PIK3C3: variants seen among roughly 807,000 people sequenced by gnomAD.
PIK3C3 encodes the protein phosphatidylinositol 3-kinase catalytic subunit type 3, also known as PI3-kinase type 3.
PIK3C3 carries 95 observed loss-of-function variants against 126.1 expected under a neutral mutation model. The ratio of observed to expected loss-of-function variants is 0.75; its 90% confidence interval spans 0.64 to 0.89. The LOEUF is 0.89. Among genes scored for constraint, PIK3C3 ranks in the 40% least tolerant of loss-of-function variants. The pLI is 0.00. For missense variants in PIK3C3, 829 were observed against 1,063.2 expected, an observed-to-expected ratio of 0.78 and a Z score of 3.06; for synonymous variants, 374 against 360.0, an observed-to-expected ratio of 1.04 and a Z score of -0.44.
chr18:42,086,123 C>CA lies in PIK3C3; in HGVS notation c.*4994dup, dbSNP rs60152892. ...GTAATAGAGCGAGACAACTCTATCTCAAAAAAAAGAATTTCACTAGAATTT... is the reference window on the plus strand; with the variant it reads ...GTAATAGAGCGAGACAACTCTATCTCAAAAAAAAAGAATTTCACTAGAATTT... On this transcript the variant is annotated 3_prime_UTR_variant, in exon 25 of 25. Transcript: ENST00000262039. 34,742 of 151,430 alleles carry CA rather than the reference C, an allele frequency of 0.23. 4,465 individuals carry two copies. The highest frequency in any genetic ancestry group is 0.4 in the South Asian group (1,917 of 4,770). 9.4% of individuals were successfully genotyped at this position (151,430 alleles called of 1,614,324 possible).
At chr18:42,043,478 G>T (rs887424840) in intron 19 of PIK3C3, among the ~76,000 whole-genome samples, 2 of 151,810 alleles carry the variant, frequency 1.3e-5, no homozygotes, top group East Asian at 3.9e-4. Context: ...TTTTTGTTTT[G>T]CCTCTAAATG....
chr18:42,028,710 C>A (rs1983684966), intron 14 of PIK3C3, among the ~76,000 whole-genome samples: 1 of 152,152 alleles, frequency 6.6e-6, no homozygotes, highest in Admixed American at 6.5e-5. Context: ...GTTTAAATTG[C>A]CTCATCTTTG....
intron 13 of PIK3C3, among the ~76,000 whole-genome samples, chr18:42,022,937 G>A (rs1170086734): frequency 4.0e-5 from 6 of 151,688 alleles, no homozygotes; most frequent in Non-Finnish European, 7.4e-5. Context: ...TCTTGTCGCC[G>A]GTCTTATGGA....
intron 13 of PIK3C3, chr18:42,026,528 T>C (rs1983577784): frequency 6.6e-6 from 1 of 152,216 alleles, no homozygotes; most frequent in African/African-American, 2.4e-5. Flanking sequence ...GGTATGATCA[T>C]AGCTTACTGC....
intron 4 of PIK3C3, among the ~76,000 whole-genome samples, chr18:41,975,698 G>GTTTTT (rs35430380): frequency 7.4e-6 from 1 of 134,684 alleles, no homozygotes. Flanking sequence ...AAAACGGACT[G>GTTTTT]TTTTTTTTTT....
intron 20 of PIK3C3, among the ~76,000 whole-genome samples, chr18:42,044,280 A>G (rs1278478048): frequency 6.6e-6 from 1 of 152,096 alleles, no homozygotes; most frequent in Non-Finnish European, 1.5e-5. Context: ...CAGTAGTAGT[A>G]TTTCCTAGAA....
In PIK3C3 at chr18:41,993,297, A is replaced by C; in HGVS notation, c.742A>C (p.Thr248Pro). Residue 248 changes from threonine to proline, a missense_variant, in exon 7 of 25, where the codon ACA (threonine) becomes CCA (proline). Thr to Pro is a conservative substitution (Grantham distance 38). Around this residue, in one of 4 missense-constraint regions of PIK3C3, gnomAD observed 313 missense variants for 340.7 expected, o/e 0.92. Coordinates refer to ENST00000262039, the MANE Select transcript of PIK3C3 (RefSeq NM_002647.4). ...CGGTGATGAATCATCTCCAATTTTA[A>C]CAAGTTTTGAATTAGTGAAAGTTCC... is the stretch of plus-strand genomic sequence containing the variant. ...KDGDESSPIL[T>P]SFELVKVPDP... The C allele has an allele frequency of 6.2e-7, 1 of 1,610,228 alleles. No individual in the cohort carries two copies. Among genetic ancestry groups the C allele is most frequent in the Non-Finnish European group, 8.5e-7 (1 of 1,177,354 alleles).
At chr18:41,975,991 C>T (rs1018145418) in intron 4 of PIK3C3, among the ~76,000 whole-genome samples, 2 of 152,142 alleles carry the variant, frequency 1.3e-5, no homozygotes, top group Non-Finnish European at 1.5e-5. Flanking sequence ...TGAGCCACCA[C>T]GCCTGGCCAA....
intron 13 of PIK3C3, among the ~76,000 whole-genome samples, chr18:42,023,595 T>C (rs185790787): frequency 8.5e-5 from 13 of 152,344 alleles, no homozygotes; most frequent in Admixed American, 6.5e-4. Flanking sequence ...GCCTATTACA[T>C]ATTCAGAAAT....
At chr18:42,041,718 A>G (rs764055158) in intron 19 of PIK3C3, among the ~76,000 whole-genome samples, 2 of 152,000 alleles carry the variant, frequency 1.3e-5, no homozygotes, top group Admixed American at 1.3e-4. Flanking sequence ...TAATTGTTCC[A>G]TTTATTCAGT....
intron 24 of PIK3C3, among the ~76,000 whole-genome samples, chr18:42,072,873 G>A (rs189257541): frequency 2.6e-5 from 4 of 152,044 alleles, no homozygotes; most frequent in Non-Finnish European, 5.9e-5. Context: ...GGTTGTATAC[G>A]TGGGAAAGAT....
intron 24 of PIK3C3, among the ~76,000 whole-genome samples, chr18:42,072,923 A>T (rs1985836276): frequency 6.6e-6 from 1 of 152,140 alleles, no homozygotes; most frequent in Admixed American, 6.5e-5. Context: ...TTGCACAAGT[A>T]GGCCTTTCAC....
intron 18 of PIK3C3, among the ~76,000 whole-genome samples, chr18:42,039,521 CTCT>C (rs1984208025): frequency 6.6e-6 from 1 of 152,120 alleles, no homozygotes; most frequent in African/African-American, 2.4e-5. Context: ...TCTTTCAAGC[CTCT>C]TCTTTTTGCC....
chr18:41,993,011 T>A (rs1981853945), intron 6 of PIK3C3, among the ~76,000 whole-genome samples: 1 of 152,110 alleles, frequency 6.6e-6, no homozygotes, highest in Admixed American at 6.6e-5. Flanking sequence ...CTCGAAACAA[T>A]CTAATTTCCA....
intron 16 of PIK3C3, among the ~76,000 whole-genome samples, chr18:42,037,250 A>T (rs1984096977): frequency 1.3e-5 from 2 of 152,210 alleles, no homozygotes; most frequent in Admixed American, 6.5e-5. Context: ...TTATTTCAGT[A>T]TACCTCTAAA....
chr18:42,045,878 T>G (rs1984536248), intron 20 of PIK3C3, among the ~76,000 whole-genome samples: 1 of 152,202 alleles, frequency 6.6e-6, no homozygotes, highest in Non-Finnish European at 1.5e-5. Context: ...TAAATCTGTT[T>G]AATAAAGAAA....
chr18:42,005,695 G>T (rs1982508079), intron 10 of PIK3C3, among the ~76,000 whole-genome samples: 1 of 152,076 alleles, frequency 6.6e-6, no homozygotes, highest in African/African-American at 2.4e-5. Context: ...TTTTTAAGAG[G>T]GAGGGGACAG....
intron 3 of PIK3C3, among the ~76,000 whole-genome samples, chr18:41,967,011 A>G (rs957952243): frequency 6.6e-6 from 1 of 152,178 alleles, no homozygotes; most frequent in Non-Finnish European, 1.5e-5. Context: ...AGAAGAAGGA[A>G]TTCTAAGAAA....
rs1279615775 is a variant in PIK3C3 at position 42,076,091 on chromosome 18, T to TATATATATATGC, written c.2650-5022_2650-5021insGCATATATATAT. Among the ~76,000 whole-genome samples, 333 of 48,164 alleles carry TATATATATATGC rather than the reference T, an allele frequency of 6.9e-3. 10 individuals carry two copies. The highest frequency in any genetic ancestry group is 9.3e-3 in the Non-Finnish European group (249 of 26,692). 31.6% of individuals were successfully genotyped at this position (48,164 alleles called of 152,430 possible). On this transcript the variant is annotated intron_variant, in intron 24 of 24. Coordinates refer to ENST00000262039, the MANE Select transcript of PIK3C3 (RefSeq NM_002647.4). ...TCAGCACTGGCTGCTTTACCTTGCA[T>TATATATATATGC]ATATATATATATATATATATATATA... is the stretch of plus-strand genomic sequence containing the variant.
Sources: gnomAD v4.1 joint callset for allele counts (sites outside exome capture counted in the v4.1 genomes callset) on GRCh38, gnomAD v4.1.1 for gene constraint, gnomAD v4.1.1 regional missense constraint, MANE v1.5 for transcripts, NCBI Gene and HGNC (gene_info 2026-07-23, HGNC 2026-07-21) for gene names.